Variants in NUS1 observed in about 807,000 individuals in gnomAD.
NUS1 encodes the protein NUS1 dehydrodolichyl diphosphate synthase subunit.
For missense variants in NUS1, 292 were observed against 382.9 expected, an observed-to-expected ratio of 0.76 and a Z score of 1.98; for synonymous variants, 135 against 155.2, an observed-to-expected ratio of 0.87 and a Z score of 0.97.
chr6:117,687,547 T>C (rs1486414197), intron 1 of NUS1, among the ~76,000 whole-genome samples: 2 of 152,124 alleles, frequency 1.3e-5, no homozygotes, highest in African/African-American at 4.8e-5. Context: ...GAAAGGCCTC[T>C]TGAAGGTAAA....
intron 1 of NUS1, among the ~76,000 whole-genome samples, chr6:117,681,033 A>G (rs944286662): frequency 6.6e-6 from 1 of 152,188 alleles, no homozygotes; most frequent in African/African-American, 2.4e-5. Context: ...TAGGTATTTA[A>G]TGTTCCAGTT....
Position 117,707,207 on chromosome 6 carries a change from A to T in NUS1, c.*192A>T. 1 of 531,724 alleles carries T rather than the reference A, an allele frequency of 1.9e-6. No individual in the cohort carries two copies. The highest frequency in any genetic ancestry group is 3.2e-5 in the East Asian group (1 of 31,130). The allele number at this position is 531,724 out of a possible 1,614,324, so 32.9% of individuals were successfully genotyped here. A position where few individuals can be genotyped will look rare whatever the true frequency, so the allele number is the denominator to read the frequency against. ...TGCGTGTGCACGTGCACACATGTGC[A>T]CGTTTGTATGTATGGAAATAAACTT... On this transcript the variant is annotated 3_prime_UTR_variant, in exon 5 of 5. Transcript: ENST00000368494.
intron 1 of NUS1, among the ~76,000 whole-genome samples, chr6:117,684,313 C>T (rs1773105312): frequency 6.6e-6 from 1 of 152,216 alleles, no homozygotes; most frequent in Non-Finnish European, 1.5e-5. Flanking sequence ...CCCATAATTC[C>T]AGACTTCTAT....
intron 1 of NUS1, among the ~76,000 whole-genome samples, chr6:117,680,662 C>T (rs1297518005): frequency 6.6e-6 from 1 of 152,190 alleles, no homozygotes; most frequent in East Asian, 1.9e-4. Flanking sequence ...AAGTTTAACC[C>T]TAACACAGAT....
chr6:117,691,552 G>GATAT (rs1236328961), intron 1 of NUS1, among the ~76,000 whole-genome samples: 619 of 37,486 alleles, frequency 0.017, 5 homozygotes, highest in South Asian at 0.033. Flanking sequence ...CTGTGCCATA[G>GATAT]ATATAGATAT....
chr6:117,691,574 T>TATATATAG (rs1173919293), intron 1 of NUS1, among the ~76,000 whole-genome samples: 1 of 146,398 alleles, frequency 6.8e-6, no homozygotes, highest in African/African-American at 2.5e-5. Flanking sequence ...TATATATATA[T>TATATATAG]ATATATATAT....
In NUS1 at chr6:117,688,685, C is replaced by G. The variant is rs534849166; in HGVS notation, c.416-4357C>G. 7.2e-5 allele frequency among the ~76,000 whole-genome samples: 11 copies of G among 152,242 alleles called. No homozygotes were observed. In the East Asian group the frequency reaches 2.1e-3, roughly 29 times the overall value. ...TATTAGATAAGCCGCCAAGGTTTGG[C>G]TTTGTTCACTCTCGGATGCCTACAG... On this transcript the variant is annotated intron_variant, in intron 1 of 4. Transcript: ENST00000368494.
chr6:117,682,743 C>G (rs557756893), intron 1 of NUS1, among the ~76,000 whole-genome samples: 1 of 152,306 alleles, frequency 6.6e-6, no homozygotes, highest in East Asian at 1.9e-4. Flanking sequence ...GGTTCCAAAT[C>G]TAGTAAGGAG....
At chr6:117,703,793 A>G in intron 4 of NUS1, 89 bp downstream of exon 4, 1 of 883,818 alleles carries the variant, frequency 1.1e-6, no homozygotes, top group Admixed American at 1.8e-5. Context: ...GGGATTTCCA[A>G]AGAATTATAA....
chr6:117,706,878 TAC>T (rs1428457433), intron 4 of NUS1, 45 bp from the exon 5 acceptor site: 15 of 1,450,610 alleles, frequency 1.0e-5, no homozygotes, highest in Non-Finnish European at 1.5e-5. Context: ...CCCCCTACAT[TAC>T]AGTGTATATC....
In NUS1 at chr6:117,708,639, C is replaced by A. The variant is rs118150610; in HGVS notation, c.*1624C>A. On this transcript the variant is annotated 3_prime_UTR_variant, in exon 5 of 5. Coordinates refer to ENST00000368494, the MANE Select transcript of NUS1 (RefSeq NM_138459.5). ...ACTGCATAATCCATTATACGTTGTACGACTTTTTTTTTTTGTTTTAATTTA... is the reference window on the plus strand; with the variant it reads ...ACTGCATAATCCATTATACGTTGTAAGACTTTTTTTTTTTGTTTTAATTTA... The A allele has an allele frequency of 7.0e-6, 1 of 143,042 alleles. No homozygotes were observed. The highest frequency in any genetic ancestry group is 1.5e-5 in the Non-Finnish European group (1 of 65,378). The allele number at this position is 143,042 out of a possible 1,614,324, so 8.9% of individuals were successfully genotyped here. A position where few individuals can be genotyped will look rare whatever the true frequency, so the allele number is the denominator to read the frequency against.
intron 1 of NUS1, among the ~76,000 whole-genome samples, chr6:117,687,141 CTG>C (rs1381040360): frequency 6.6e-6 from 1 of 152,128 alleles, no homozygotes; most frequent in Non-Finnish European, 1.5e-5. Context: ...CATTTTGTAA[CTG>C]TGTCTCTCTG....
rs72951509 is a variant in NUS1, at chr6:117,692,708, A to C, written c.416-334A>C. ...ACTGCTGCAGTTTATAATTTCTTGG[A>C]GAAGAACCTTAAAGAGTTTAGGCCT... On this transcript the variant is annotated intron_variant, in intron 1 of 4. Coordinates refer to ENST00000368494, the MANE Select transcript of NUS1 (RefSeq NM_138459.5). Among the ~76,000 whole-genome samples the C allele has an allele frequency of 0.049, 7,391 of 152,232 alleles. 196 individuals are homozygous for C. Among genetic ancestry groups the C allele is most frequent in the Middle Eastern group, 0.12 (35 of 294 alleles).
At chr6:117,702,399 G>T (rs1322232086) in intron 3 of NUS1, among the ~76,000 whole-genome samples, 1 of 152,144 alleles carries the variant, frequency 6.6e-6, no homozygotes, top group African/African-American at 2.4e-5. Context: ...AGTTGATTGG[G>T]GTGGGCATTG....
chr6:117,696,556 A>G (rs1390676038), intron 3 of NUS1, among the ~76,000 whole-genome samples: 2 of 152,198 alleles, frequency 1.3e-5, no homozygotes, highest in Non-Finnish European at 2.9e-5. Context: ...TAGAGGTTCA[A>G]CATATCTGGC....
chr6:117,699,140 G>T (rs1773363148), intron 3 of NUS1, among the ~76,000 whole-genome samples: 1 of 152,102 alleles, frequency 6.6e-6, no homozygotes. Flanking sequence ...AGCACTGGCG[G>T]TCCTAGCTAG....
At chr6:117,692,314 A>G (rs1164478795) in intron 1 of NUS1, among the ~76,000 whole-genome samples, 1 of 152,148 alleles carries the variant, frequency 6.6e-6, no homozygotes, top group Non-Finnish European at 1.5e-5. Context: ...AATGGCTACT[A>G]GAAAGCTGCC....
intron 3 of NUS1, among the ~76,000 whole-genome samples, chr6:117,702,226 T>C (rs888414247): frequency 2.6e-5 from 4 of 152,250 alleles, no homozygotes; most frequent in Admixed American, 6.5e-5. Context: ...TGTTCTCTTT[T>C]GAATTTCCCA....
chr6:117,700,075 GCT>G (rs1210129522), intron 3 of NUS1, among the ~76,000 whole-genome samples: 1 of 152,104 alleles, frequency 6.6e-6, no homozygotes, highest in African/African-American at 2.4e-5. Flanking sequence ...CACTGGGGAA[GCT>G]CTCTAGGACA....
Sources: gnomAD v4.1 joint callset for allele counts (sites outside exome capture counted in the v4.1 genomes callset) on GRCh38, gnomAD v4.1.1 for gene constraint, MANE v1.5 for transcripts, NCBI Gene and HGNC (gene_info 2026-07-23, HGNC 2026-07-21) for gene names.